IL1RL2: variants seen among roughly 807,000 people sequenced by gnomAD.
IL1RL2 encodes interleukin 1 receptor like 2.
In IL1RL2, 68 loss-of-function variants were observed where a neutral mutation model predicts 66.8. The observed-to-expected ratio is 1.02, with a 90% CI of 0.84 to 1.25. The LOEUF (loss-of-function observed/expected upper bound fraction) is 1.25, where lower values mean the gene tolerates loss of function less well. IL1RL2 is among the 50% of genes most tolerant of loss of function. IL1RL2 has a pLI of 0.00. For synonymous variants in IL1RL2, 305 were observed against 264.6 expected (o/e 1.15, Z -1.48); for missense variants, 729 against 709.3 (o/e 1.03, Z -0.32).
chr2:102,187,023 G>A lies in IL1RL2; in HGVS notation c.-76G>A. The A allele has an allele frequency of 1.6e-6, 2 of 1,289,778 alleles. No individual in the cohort carries two copies. The highest frequency in any genetic ancestry group is 1.0e-6 in the Non-Finnish European group (1 of 988,796). The allele number at this position is 1,289,778 out of a possible 1,614,324, so 79.9% of individuals were successfully genotyped here. A position where few individuals can be genotyped will look rare whatever the true frequency, so the allele number is the denominator to read the frequency against. On this transcript the variant is annotated 5_prime_UTR_variant, in exon 1 of 12. Coordinates refer to ENST00000264257, the MANE Select transcript of IL1RL2 (RefSeq NM_003854.4). ...CTAGGCATGGAAGTGGCATGACAGG[G>A]CTCGTGTCCCTGTCATATTTTCCAC... is the stretch of plus-strand genomic sequence containing the variant.
chr2:102,199,775 C>G (rs1688084655), intron 4 of IL1RL2, among the ~76,000 whole-genome samples: 1 of 152,194 alleles, frequency 6.6e-6, no homozygotes, highest in East Asian at 1.9e-4. Context: ...GGAAGCACAG[C>G]AAGGGAGGCC....
At chr2:102,238,095 C>T (rs1207970883) in intron 11 of IL1RL2, among the ~76,000 whole-genome samples, 1 of 152,156 alleles carries the variant, frequency 6.6e-6, no homozygotes, top group Non-Finnish European at 1.5e-5. Context: ...CACTCCTTTC[C>T]AAGACCCTGG....
At chr2:102,230,093 A>G (rs1356703750) in intron 9 of IL1RL2, among the ~76,000 whole-genome samples, 1 of 152,198 alleles carries the variant, frequency 6.6e-6, no homozygotes, top group East Asian at 1.9e-4. Flanking sequence ...ACCAGGAAAC[A>G]CTGTATTTAC....
chr2:102,233,143 G>A lies in IL1RL2; in HGVS notation c.1297+19G>A. The A allele has an allele frequency of 1.4e-6, 2 of 1,479,638 alleles. No homozygotes were observed. Among genetic ancestry groups the A allele is most frequent in the Non-Finnish European group, 1.8e-6 (2 of 1,087,076 alleles). 91.7% of individuals were successfully genotyped at this position (1,479,638 alleles called of 1,614,324 possible). On this transcript the variant is annotated intron_variant, in intron 10 of 11. Coordinates refer to ENST00000264257, the MANE Select transcript of IL1RL2 (RefSeq NM_003854.4). ...GGACAAGGTGGGTTTTAAGTGAGGT[G>A]TAAAAATAACAAATAAAAGAAGGAA...
chr2:102,222,686 A>G (rs1430960512), intron 8 of IL1RL2, among the ~76,000 whole-genome samples: 4 of 152,202 alleles, frequency 2.6e-5, no homozygotes, highest in African/African-American at 9.6e-5. Context: ...TAGGTCAGTG[A>G]GGACAGGTTG....
chr2:102,188,059 C>G (rs1220173930), intron 2 of IL1RL2, 134 bp downstream of exon 2: 2 of 805,430 alleles, frequency 2.5e-6, no homozygotes, highest in African/African-American at 1.7e-5. Flanking sequence ...GGCGGAGTTC[C>G]GCGGAAGAGG....
At chr2:102,191,497 C>T (rs1687229349) in intron 3 of IL1RL2, among the ~76,000 whole-genome samples, 1 of 152,176 alleles carries the variant, frequency 6.6e-6, no homozygotes, top group Non-Finnish European at 1.5e-5. Flanking sequence ...TAATCTGGAA[C>T]AGTTCCTCAG....
chr2:102,220,102 G>C, intron 8 of IL1RL2, 85 bp downstream of exon 8: 13 of 1,308,972 alleles, frequency 9.9e-6, no homozygotes, highest in Non-Finnish European at 1.4e-5. Flanking sequence ...GACTCTAAAT[G>C]CTCAGTGTGA....
rs751858304 is a variant in IL1RL2 at position 102,225,961 on chromosome 2, T to C, written c.1055T>C (p.Val352Ala). The change falls in exon 9 of 12, where the codon GTT becomes GCT. Residue 352 changes from valine (V) to alanine (A), a missense_variant. Physicochemically the swap from Val to Ala is moderately conservative, Grantham distance 64. Coordinates refer to ENST00000264257, the MANE Select transcript of IL1RL2 (RefSeq NM_003854.4). ...GCCTTGGTGGCTGTGGCTGTGTCTG[T>C]TGTGTACATATACAACATTTTTAAG... is the stretch of plus-strand genomic sequence containing the variant. ...LIALVAVAVS[V>A]VYIYNIFKID... is the part of the protein sequence containing the mutation. 13 of 1,611,764 alleles carry C rather than the reference T, an allele frequency of 8.1e-6. No homozygotes were observed. The highest frequency in any genetic ancestry group is 1.1e-5 in the South Asian group (1 of 90,774).
At chr2:102,230,670 G>T (rs1048471381) in intron 9 of IL1RL2, among the ~76,000 whole-genome samples, 5 of 152,310 alleles carry the variant, frequency 3.3e-5, no homozygotes, top group African/African-American at 9.6e-5. Flanking sequence ...GATGGGGTGG[G>T]GAGGCAGACA....
chr2:102,217,993 A>G (rs961285206), intron 6 of IL1RL2, among the ~76,000 whole-genome samples: 2 of 152,216 alleles, frequency 1.3e-5, no homozygotes, highest in Non-Finnish European at 2.9e-5. Context: ...TGAAAACATA[A>G]TCTACAGAAT....
At chr2:102,242,844 T>G (rs139050551), downstream of IL1RL2, among the ~76,000 whole-genome samples, 1 of 152,388 alleles carries the variant, frequency 6.6e-6, no homozygotes, top group East Asian at 1.9e-4. Context: ...TATTTGTTAC[T>G]TTTACAAACA....
At chr2:102,200,632 C>T (rs1290289401) in intron 4 of IL1RL2, among the ~76,000 whole-genome samples, 1 of 152,208 alleles carries the variant, frequency 6.6e-6, no homozygotes, top group Non-Finnish European at 1.5e-5. Flanking sequence ...ATTAGCTAAG[C>T]AGTCACTCTG....
At chr2:102,205,124 CA>C (rs1379200109) in intron 5 of IL1RL2, among the ~76,000 whole-genome samples, 2 of 151,954 alleles carry the variant, frequency 1.3e-5, no homozygotes, top group Non-Finnish European at 2.9e-5. Flanking sequence ...AACAAACAAG[CA>C]AAAAGAAAAC....
intron 5 of IL1RL2, among the ~76,000 whole-genome samples, chr2:102,203,017 T>C (rs908533758): frequency 2.0e-5 from 3 of 152,364 alleles, no homozygotes; most frequent in Non-Finnish European, 4.4e-5. Context: ...GCTGTGGGTC[T>C]GTCACATATG....
At chr2:102,232,430 G>A (rs1691218595) in intron 9 of IL1RL2, among the ~76,000 whole-genome samples, 2 of 151,752 alleles carry the variant, frequency 1.3e-5, no homozygotes, top group Non-Finnish European at 2.9e-5. Flanking sequence ...GAACTCCTAA[G>A]CTCCCATTTC....
Position 102,239,651 on chromosome 2 carries a change from CCCTACATCATGGTGGGTGAGAGCTGGGAG to C in IL1RL2, c.*412_*440del. 5.2e-6 allele frequency: 1 copy of C among 192,018 alleles called. No individual in the cohort carries two copies. The highest frequency in any genetic ancestry group is 1.2e-4 in the East Asian group (1 of 8,628). The allele number at this position is 192,018 out of a possible 1,614,324, so 11.9% of individuals were successfully genotyped here. A position where few individuals can be genotyped will look rare whatever the true frequency, so the allele number is the denominator to read the frequency against. ...CATAGTGGGTGAGAGCTGGGGGTAT[CCCTACATCATGGTGGGTGAGAGCTGGGAG>C]CATCCCCATGTCATGGTGGGCGAGA... On this transcript the variant is annotated 3_prime_UTR_variant, in exon 12 of 12. Transcript: ENST00000264257.
intron 6 of IL1RL2, among the ~76,000 whole-genome samples, chr2:102,213,393 G>A (rs759507547): frequency 2.0e-5 from 3 of 151,864 alleles, no homozygotes; most frequent in Non-Finnish European, 4.4e-5. Flanking sequence ...TAAAATAATC[G>A]CACTTAATAA....
At chr2:102,237,754 C>G (rs1013903238) in intron 11 of IL1RL2, among the ~76,000 whole-genome samples, 1 of 152,162 alleles carries the variant, frequency 6.6e-6, no homozygotes, top group Non-Finnish European at 1.5e-5. Flanking sequence ...GACATGTAGG[C>G]AGGTTGGCAG....
Sources: allele counts gnomAD v4.1 joint callset (sites outside exome capture counted in the v4.1 genomes callset), GRCh38; gene constraint gnomAD v4.1.1; transcripts MANE v1.5; gene names NCBI Gene and HGNC (gene_info 2026-07-23, HGNC 2026-07-21).